Variants in WDR59 observed in about 807,000 individuals in gnomAD.
The protein encoded by WDR59 is GATOR2 complex protein WDR59.
A neutral mutation model predicts 131.2 loss-of-function variants in WDR59; 100 were observed. That is an observed-to-expected ratio of 0.76 (90% CI 0.65 to 0.90). WDR59 has a LOEUF of 0.90. WDR59 is among the 40% of genes least tolerant of loss of function. The probability of loss-of-function intolerance (pLI) is 0.00; values close to 1 mark genes in which losing one functional copy is unlikely to be tolerated. For synonymous variants in WDR59, 601 were observed against 466.2 expected, an observed-to-expected ratio of 1.29 and a Z score of -3.72; for missense variants, 1,203 against 1,262.2, an observed-to-expected ratio of 0.95 and a Z score of 0.71.
chr16:74,983,760 G>A lies in WDR59; in HGVS notation c.54+1204C>T, dbSNP rs538631459. On this transcript the variant is annotated intron_variant, in intron 1 of 25. Coordinates refer to ENST00000262144, the MANE Select transcript of WDR59 (RefSeq NM_030581.4). Reference sequence around the variant, plus strand: ...GGACGCTGAGGCAGGGGGTTCGCTTGAGCCCAGGAGTTCCATACCAGCCTG... The same window carrying A: ...GGACGCTGAGGCAGGGGGTTCGCTTAAGCCCAGGAGTTCCATACCAGCCTG... 3.9e-5 allele frequency among the ~76,000 whole-genome samples: 6 copies of A among 152,152 alleles called. No homozygotes were observed. The South Asian group carries it at 1.2e-3, about 32-fold the overall frequency.
At chr16:74,891,087 T>C (rs1270163001) in intron 20 of WDR59, among the ~76,000 whole-genome samples, 1 of 134,992 alleles carries the variant, frequency 7.4e-6, no homozygotes, top group Non-Finnish European at 1.5e-5. Flanking sequence ...CACTCCAGCC[T>C]GGGCGACAGA....
chr16:74,886,015 A>G, intron 24 of WDR59: 5 of 658,862 alleles, frequency 7.6e-6, no homozygotes, highest in Non-Finnish European at 9.8e-6. Flanking sequence ...TGTCTGTACT[A>G]AAAATACAAA....
intron 24 of WDR59, 80 bp downstream of exon 24, chr16:74,886,190 A>AAAAAAAAAAAAAAAAG (rs1359468218): frequency 1.1e-5 from 16 of 1,448,628 alleles, no homozygotes; most frequent in Non-Finnish European, 1.3e-5. Context: ...AAAAAAAAAA[A>AAAAAAAAAAAAAAAAG]GTAAGAGTTG....
At chr16:74,949,675 A>T in intron 5 of WDR59, 43 bp downstream of exon 5, 1 of 1,585,166 alleles carries the variant, frequency 6.3e-7, no homozygotes, top group Non-Finnish European at 8.6e-7. Flanking sequence ...AAAGGTCCCA[A>T]ATCACCCCCA....
intron 13 of WDR59, 66 bp from the exon 14 acceptor site, chr16:74,912,428 T>A: frequency 6.5e-7 from 1 of 1,532,818 alleles, no homozygotes; most frequent in Non-Finnish European, 8.9e-7. Context: ...TGCAAGCACA[T>A]TTAACTGAAC....
Position 74,915,885 on chromosome 16 carries a change from C to T in WDR59, c.1209G>A (p.Arg403=), listed in dbSNP as rs773824746. The T allele has an allele frequency of 2.5e-6, 4 of 1,614,088 alleles. No individual in the cohort carries two copies. Among genetic ancestry groups the T allele is most frequent in the African/African-American group, 1.3e-5 (1 of 74,938 alleles). The part of the protein sequence containing the change: ...QEFSLINVQI[R]NVNVEMDAAD... ...AACTAAGTACCTCCACATTGACATTCCGGATTTGCACATTGATCAGGGAGA... is the reference window on the plus strand; with the variant it reads ...AACTAAGTACCTCCACATTGACATTTCGGATTTGCACATTGATCAGGGAGA... The change falls in exon 13 of 26, where the codon CGG becomes CGA. Residue 403 remains arginine, a synonymous_variant. Coordinates refer to ENST00000262144, the MANE Select transcript of WDR59 (RefSeq NM_030581.4).
chr16:74,980,499 A>C (rs899973256), intron 1 of WDR59, among the ~76,000 whole-genome samples: 6 of 150,426 alleles, frequency 4.0e-5, no homozygotes, highest in Non-Finnish European at 8.9e-5. Flanking sequence ...AATTACAGGC[A>C]CACGCCACCA....
intron 1 of WDR59, among the ~76,000 whole-genome samples, chr16:74,972,821 T>TAAAAAAAAA (rs57885889): frequency 1.5e-4 from 8 of 55,042 alleles, no homozygotes; most frequent in Non-Finnish European, 2.6e-4. Context: ...GACTCTGTCT[T>TAAAAAAAAA]AAAAAAAAAA....
chr16:74,980,691 G>C (rs757890189), intron 1 of WDR59, among the ~76,000 whole-genome samples: 1 of 152,094 alleles, frequency 6.6e-6, no homozygotes, highest in African/African-American at 2.4e-5. Context: ...ATTATTTTCA[G>C]ACCAGGTGCA....
intron 1 of WDR59, among the ~76,000 whole-genome samples, chr16:74,980,418 G>A (rs1048425928): frequency 7.0e-5 from 10 of 142,124 alleles, no homozygotes; most frequent in East Asian, 2.1e-4. Flanking sequence ...GCAACGGTGC[G>A]ATTTGGCTCG....
chr16:74,899,437 G>T (rs1352498843), intron 18 of WDR59, among the ~76,000 whole-genome samples: 2 of 152,176 alleles, frequency 1.3e-5, no homozygotes, highest in Non-Finnish European at 2.9e-5. Context: ...TTCTTTCCAA[G>T]AAACCCAGCA....
chr16:74,908,081 T>G (rs11149781), intron 17 of WDR59, among the ~76,000 whole-genome samples: 1 of 151,654 alleles, frequency 6.6e-6, no homozygotes, highest in Non-Finnish European at 1.5e-5. Context: ...CATGATTCTC[T>G]CTAAAACAGG....
chr16:74,954,477 AT>A lies in WDR59; in HGVS notation c.240+1997del, dbSNP rs371764823. Among the ~76,000 whole-genome samples, 34 of 152,286 alleles carry A rather than the reference AT, an allele frequency of 2.2e-4. 3 individuals carry two copies. The South Asian group carries it at 3.3e-3, about 15-fold the overall frequency. The stretch of plus-strand genomic sequence containing the variant: ...CTTCACACCCACTAGGATGGCTATA[AT>A]TTTTTTAAAAATACAAAAAATAAAT... On this transcript the variant is annotated intron_variant, in intron 3 of 25. Transcript: ENST00000262144.
chr16:74,945,961 G>A (rs563312805), intron 6 of WDR59, among the ~76,000 whole-genome samples: 19 of 152,018 alleles, frequency 1.2e-4, no homozygotes, highest in African/African-American at 3.6e-4. Context: ...GAGATTACAG[G>A]CATGCACCAC....
chr16:74,974,176 A>G (rs1212550451), intron 1 of WDR59, among the ~76,000 whole-genome samples: 1 of 151,924 alleles, frequency 6.6e-6, no homozygotes, highest in African/African-American at 2.4e-5. Flanking sequence ...CTCAAAAACA[A>G]AGAAAAAAAT....
Position 74,956,531 on chromosome 16 carries a change from T to G in WDR59, c.184A>C (p.Ile62Leu). The G allele has an allele frequency of 6.2e-7, 1 of 1,614,114 alleles. No homozygotes were observed. The highest frequency in any genetic ancestry group is 8.5e-7 in the Non-Finnish European group (1 of 1,180,008). ...TGAGGATTCCACTGCACAGCTCCAA[T>G]GTCCCATTTGCTCTGGCGAGAGATC... is the stretch of plus-strand genomic sequence containing the variant. ...RKISRQSKWD[I>L]GAVQWNPHDS... The change falls in exon 3 of 26, where the codon ATT becomes CTT. Residue 62 changes from isoleucine (I) to leucine (L), a missense_variant. Physicochemically the swap from Ile to Leu is conservative, Grantham distance 5. Transcript: ENST00000262144.
intron 2 of WDR59, among the ~76,000 whole-genome samples, chr16:74,958,419 G>T (rs778933120): frequency 9.9e-5 from 15 of 150,912 alleles, no homozygotes; most frequent in Non-Finnish European, 1.2e-4. Flanking sequence ...GTGAAACCCT[G>T]TCTCTACTAA....
chr16:74,893,764 G>C lies in WDR59; in HGVS notation c.1915C>G (p.Arg639Gly). ...SKREGSDSGN[R>G]QIKAAGKVII... ...ACTTTCCCAGCAGCCTTGATCTGTC[G>C]ATTGCCAGAGTCTGATCCCTCACGC... is the stretch of plus-strand genomic sequence containing the variant. The change falls in exon 19 of 26, where the codon CGA (arginine) becomes GGA (glycine). Residue 639 changes from arginine to glycine, a missense_variant. Coordinates refer to ENST00000262144, the MANE Select transcript of WDR59 (RefSeq NM_030581.4). The C allele has an allele frequency of 6.2e-7, 1 of 1,614,150 alleles. No homozygotes were observed. The highest frequency in any genetic ancestry group is 8.5e-7 in the Non-Finnish European group (1 of 1,180,022).
intron 8 of WDR59, among the ~76,000 whole-genome samples, chr16:74,933,785 A>G (rs1365004958): frequency 6.6e-6 from 1 of 152,176 alleles, no homozygotes; most frequent in African/African-American, 2.4e-5. Flanking sequence ...GAGTTACACC[A>G]TGTTAGTGGG....
Sources: gnomAD v4.1 joint callset for allele counts (sites outside exome capture counted in the v4.1 genomes callset) on GRCh38, gnomAD v4.1.1 for gene constraint, MANE v1.5 for transcripts, NCBI Gene and HGNC (gene_info 2026-07-23, HGNC 2026-07-21) for gene names.